ADGRV1: variants seen among roughly 807,000 people sequenced by gnomAD.
ADGRV1 encodes G-protein coupled receptor 98.
ADGRV1 carries 359 observed loss-of-function variants against 596.2 expected under a neutral mutation model. The ratio of observed to expected loss-of-function variants is 0.60; its 90% CI spans 0.55 to 0.66. The LOEUF is 0.66. Among genes scored for constraint, ADGRV1 ranks in the 30% least tolerant of loss-of-function variants. The pLI, the probability that ADGRV1 is intolerant of heterozygous loss-of-function variation, is 0.00. For missense variants in ADGRV1, 7,274 were observed against 7,575.6 expected, an observed-to-expected ratio of 0.96 and a Z score of 1.48; for synonymous variants, 2,681 against 2,679.2, an observed-to-expected ratio of 1.00 and a Z score of -0.02.
intron 86 of ADGRV1, among the ~76,000 whole-genome samples, chr5:91,080,252 C>T (rs970062570): frequency 6.6e-6 from 1 of 152,086 alleles, no homozygotes; most frequent in Admixed American, 6.5e-5. Context: ...TAACTATAGT[C>T]AACTAGTTTG....
At position 90,781,500 on chromosome 5, in the gene ADGRV1, A is replaced by C; in HGVS notation, c.13153A>C (p.Ile4385Leu). The C allele has an allele frequency of 6.2e-7, 1 of 1,611,036 alleles. No homozygotes were observed. The highest frequency in any genetic ancestry group is 8.5e-7 in the Non-Finnish European group (1 of 1,178,298). ...DQPPEIGNIS[I>L]VRIIIMKNDN... ...ACCTCCTGAAATAGGAAACATCTCC[A>C]TTGTTCGCATCATAATAATGAAAAA... The change falls in exon 65 of 90, where the codon ATT becomes CTT. Residue 4385 changes from isoleucine to leucine, a missense_variant. Ile to Leu is a conservative substitution (Grantham distance 5, BLOSUM62 2). Around this residue, in one of 5 missense-constraint regions of ADGRV1, gnomAD observed 3,643 missense variants for 3,809.2 expected, o/e 0.96. Transcript: ENST00000405460.
chr5:90,646,640 A>T (rs1319065392), intron 16 of ADGRV1, among the ~76,000 whole-genome samples: 2 of 152,116 alleles, frequency 1.3e-5, no homozygotes, highest in Admixed American at 6.6e-5. Flanking sequence ...GGTTTTGTTT[A>T]TGAAACGGTT....
chr5:91,002,834 A>G (rs996224424), intron 85 of ADGRV1, among the ~76,000 whole-genome samples: 5 of 152,152 alleles, frequency 3.3e-5, no homozygotes, highest in Admixed American at 6.6e-5. Context: ...TTTTAAATGT[A>G]TGTACATTAT....
intron 85 of ADGRV1, among the ~76,000 whole-genome samples, chr5:91,005,752 G>A (rs1782214578): frequency 6.6e-6 from 1 of 152,192 alleles, no homozygotes; most frequent in South Asian, 2.1e-4. Flanking sequence ...GTTCTCTCCT[G>A]TCCATTCTTA....
chr5:91,016,444 T>C (rs917215969), intron 85 of ADGRV1, among the ~76,000 whole-genome samples: 2 of 152,004 alleles, frequency 1.3e-5, no homozygotes, highest in Non-Finnish European at 2.9e-5. Context: ...GGTCTCTTTT[T>C]CTGTCTTAAT....
intron 1 of ADGRV1, among the ~76,000 whole-genome samples, chr5:90,569,434 C>G (rs1172974275): frequency 1.2e-5 from 1 of 83,376 alleles, no homozygotes; most frequent in South Asian, 4.4e-4. Context: ...TAGTTTCAAC[C>G]TGTTTGTGGC....
chr5:90,558,855 G>C lies in ADGRV1; in HGVS notation c.-41G>C, dbSNP rs747223342. 1 of 1,558,554 alleles carries C rather than the reference G, an allele frequency of 6.4e-7. No homozygotes were observed. The highest frequency in any genetic ancestry group is 8.7e-7 in the Non-Finnish European group (1 of 1,149,802). ...CGGACGGGAGTCAGAGGCAGAGCGA[G>C]GGTGTGTGGAGGGCCGGCGGGGACC... On this transcript the variant is annotated 5_prime_UTR_variant, in exon 1 of 90. Coordinates refer to ENST00000405460, the MANE Select transcript of ADGRV1 (RefSeq NM_032119.4).
At chr5:91,029,346 A>G (rs1784296539) in intron 85 of ADGRV1, among the ~76,000 whole-genome samples, 1 of 152,206 alleles carries the variant, frequency 6.6e-6, no homozygotes, top group Admixed American at 6.5e-5. Context: ...TTTCATGTCA[A>G]GGTATGAATA....
intron 5 of ADGRV1, among the ~76,000 whole-genome samples, chr5:90,623,954 T>G (rs1214230544): frequency 6.6e-6 from 1 of 152,194 alleles, no homozygotes. Flanking sequence ...AATTTTTGTG[T>G]TTTTTAGGAT....
At chr5:90,617,391 C>A (rs1282841452) in intron 2 of ADGRV1, 2 of 156,664 alleles carry the variant, frequency 1.3e-5, no homozygotes, top group East Asian at 3.8e-4. Flanking sequence ...CTCACTGCAA[C>A]CTCCGCCTCC....
intron 83 of ADGRV1, among the ~76,000 whole-genome samples, chr5:90,917,249 G>T (rs1773467034): frequency 6.6e-6 from 1 of 152,126 alleles, no homozygotes; most frequent in Non-Finnish European, 1.5e-5. Context: ...CTCCAAAAAT[G>T]AAAAGAAGGG....
chr5:91,124,089 TCA>T (rs1460431442), intron 87 of ADGRV1, among the ~76,000 whole-genome samples: 1 of 152,132 alleles, frequency 6.6e-6, no homozygotes, highest in African/African-American at 2.4e-5. Context: ...AGGGAGAGTC[TCA>T]GTGTCCGTCT....
chr5:90,697,526 G>C (rs16868998), intron 34 of ADGRV1, among the ~76,000 whole-genome samples: 1,770 of 152,218 alleles, frequency 0.012, 35 homozygotes, highest in African/African-American at 0.04. Flanking sequence ...GTATGCCCAA[G>C]GGTAGCTGTT....
intron 29 of ADGRV1, among the ~76,000 whole-genome samples, chr5:90,687,354 T>G (rs1159910448): frequency 2.6e-5 from 4 of 152,186 alleles, no homozygotes; most frequent in African/African-American, 9.7e-5. Flanking sequence ...GGTCTAACGT[T>G]TAAGTCTTTA....
At chr5:90,622,423 C>G (rs1764209364) in intron 4 of ADGRV1, among the ~76,000 whole-genome samples, 174 bp from the exon 5 acceptor site, 1 of 152,194 alleles carries the variant, frequency 6.6e-6, no homozygotes, top group Non-Finnish European at 1.5e-5. Context: ...TTCTTTTTAA[C>G]TTTTTCAGCA....
At chr5:90,587,807 G>T (rs540029820) in intron 1 of ADGRV1, among the ~76,000 whole-genome samples, 1 of 151,914 alleles carries the variant, frequency 6.6e-6, no homozygotes, top group Admixed American at 6.6e-5. Context: ...TGATCCTCCC[G>T]CCTCAGCCTT....
chr5:90,983,853 G>T (rs1219256036), intron 84 of ADGRV1, among the ~76,000 whole-genome samples: 1 of 152,120 alleles, frequency 6.6e-6, no homozygotes, highest in Non-Finnish European at 1.5e-5. Flanking sequence ...CCCTGGTTTA[G>T]CCTAATACTA....
chr5:91,031,585 C>T (rs562570921), intron 85 of ADGRV1, among the ~76,000 whole-genome samples: 1 of 152,278 alleles, frequency 6.6e-6, no homozygotes, highest in African/African-American at 2.4e-5. Context: ...GGTCACACCC[C>T]ACTCCTGAGA....
chr5:90,818,617 A>G (rs971112318), intron 75 of ADGRV1, among the ~76,000 whole-genome samples: 4 of 151,544 alleles, frequency 2.6e-5, no homozygotes, highest in African/African-American at 9.7e-5. Flanking sequence ...GAGAATTTTT[A>G]GCATGAAGGG....
Sources: allele counts gnomAD v4.1 joint callset (sites outside exome capture counted in the v4.1 genomes callset), GRCh38; gene constraint gnomAD v4.1.1; regional missense constraint gnomAD v4.1.1; transcripts MANE v1.5; gene names NCBI Gene and HGNC (gene_info 2026-07-23, HGNC 2026-07-21).